MAGI2: variants seen among roughly 807,000 people sequenced by gnomAD.
MAGI2 encodes membrane associated guanylate kinase, WW and PDZ domain containing 2.
A neutral mutation model predicts 133.3 loss-of-function variants in MAGI2; 35 were observed. The ratio of observed to expected loss-of-function variants is 0.26; its 90% CI spans 0.20 to 0.35. The LOEUF (loss-of-function observed/expected upper bound fraction) is 0.35, where lower values mean the gene tolerates loss of function less well. Among genes scored for constraint, MAGI2 ranks in the 10% least tolerant of loss-of-function variants. The pLI, the probability that MAGI2 is intolerant of heterozygous loss-of-function variation, is 1.00. For synonymous variants in MAGI2, 729 were observed against 710.6 expected, an observed-to-expected ratio of 1.03 and a Z score of -0.41; for missense variants, 1,636 against 1,863.4, an observed-to-expected ratio of 0.88 and a Z score of 2.25.
At chr7:79,440,277 C>T (rs1008280889) in intron 1 of MAGI2, among the ~76,000 whole-genome samples, 1 of 151,764 alleles carries the variant, frequency 6.6e-6, no homozygotes, top group Non-Finnish European at 1.5e-5. Flanking sequence ...ATTACATGCA[C>T]TCCTGGGTCA....
At chr7:78,306,250 T>A (rs572208066) in intron 9 of MAGI2, among the ~76,000 whole-genome samples, 520 of 152,304 alleles carry the variant, frequency 3.4e-3, no homozygotes, top group Non-Finnish European at 6.3e-3. Flanking sequence ...TATTTTCTCA[T>A]CCAACCCCTT....
chr7:78,530,416 T>C (rs994175647), intron 3 of MAGI2, among the ~76,000 whole-genome samples: 2 of 152,208 alleles, frequency 1.3e-5, no homozygotes, highest in Admixed American at 6.5e-5. Flanking sequence ...TATTAAGATA[T>C]AGGATAGAAG....
chr7:78,198,428 G>GTTTTTTT (rs398066996), intron 11 of MAGI2, among the ~76,000 whole-genome samples: 1 of 97,494 alleles, frequency 1.0e-5, no homozygotes, highest in Non-Finnish European at 1.9e-5. Flanking sequence ...GGCTGTGGCC[G>GTTTTTTT]TTTTTTTTTT....
chr7:78,469,958 C>G (rs1791024681), intron 6 of MAGI2, among the ~76,000 whole-genome samples: 1 of 152,138 alleles, frequency 6.6e-6, no homozygotes, highest in Non-Finnish European at 1.5e-5. Context: ...GTCAATAAAT[C>G]TCATGCAGAA....
intron 1 of MAGI2, among the ~76,000 whole-genome samples, chr7:79,402,592 C>T (rs570876170): frequency 5.9e-5 from 9 of 152,194 alleles, no homozygotes; most frequent in South Asian, 4.1e-4. Context: ...CCTCTAAGTC[C>T]GGTGTTTTTT....
chr7:78,528,660 C>T (rs759172762), intron 3 of MAGI2, among the ~76,000 whole-genome samples: 3 of 152,010 alleles, frequency 2.0e-5, no homozygotes, highest in Non-Finnish European at 2.9e-5. Flanking sequence ...CTTTTGTCAA[C>T]CAATTTTTGA....
In MAGI2 at chr7:79,240,307, GGTTT is replaced by G. The variant is rs931647586; in HGVS notation, c.301+212709_301+212712del. On this transcript the variant is annotated intron_variant, in intron 1 of 21. Coordinates refer to ENST00000354212, the MANE Select transcript of MAGI2 (RefSeq NM_012301.4). ...CCAGAAGACAACAGAGCGATAGTTTGGTTTGTTTGGAATGAAAGGAACATAGGAG... is the reference window on the plus strand; with the variant it reads ...CCAGAAGACAACAGAGCGATAGTTTGGTTTGGAATGAAAGGAACATAGGAG... Among the ~76,000 whole-genome samples the G allele has an allele frequency of 4.8e-4, 73 of 150,994 alleles. 1 individual carries two copies. The highest frequency in any genetic ancestry group is 1.0e-3 in the Non-Finnish European group (71 of 67,840).
At chr7:78,893,789 A>G (rs960641186) in intron 2 of MAGI2, among the ~76,000 whole-genome samples, 2 of 152,176 alleles carry the variant, frequency 1.3e-5, no homozygotes, top group African/African-American at 4.8e-5. Flanking sequence ...TGACGAGTTA[A>G]TGGGTGCAGC....
intron 6 of MAGI2, among the ~76,000 whole-genome samples, chr7:78,447,865 C>T (rs368515728): frequency 1.1e-4 from 16 of 152,214 alleles, no homozygotes; most frequent in African/African-American, 3.1e-4. Flanking sequence ...GTAGACAAAA[C>T]TTATTCCTCC....
intron 1 of MAGI2, among the ~76,000 whole-genome samples, chr7:79,317,019 C>CTTTTTTTTTTTTTT (rs58130248): frequency 9.8e-6 from 1 of 101,722 alleles, no homozygotes; most frequent in Non-Finnish European, 2.0e-5. Flanking sequence ...TTTTCTTTTT[C>CTTTTTTTTTTTTTT]TTTTTTTTTT....
chr7:78,926,452 T>C (rs781109146), intron 2 of MAGI2, among the ~76,000 whole-genome samples: 3 of 152,066 alleles, frequency 2.0e-5, no homozygotes, highest in Non-Finnish European at 4.4e-5. Context: ...AGCACAATCA[T>C]GAACAGACAG....
At chr7:79,126,780 T>C (rs1820442504) in intron 1 of MAGI2, among the ~76,000 whole-genome samples, 1 of 151,728 alleles carries the variant, frequency 6.6e-6, no homozygotes, top group African/African-American at 2.4e-5. Flanking sequence ...TTTTAAAAAA[T>C]GTTTTGTACA....
chr7:78,226,057 G>T (rs937086537), intron 10 of MAGI2, among the ~76,000 whole-genome samples: 3 of 152,118 alleles, frequency 2.0e-5, no homozygotes, highest in African/African-American at 7.2e-5. Context: ...AATTAAAAGA[G>T]AAAAATATAA....
At chr7:78,277,490 G>A (rs1160985710) in intron 9 of MAGI2, among the ~76,000 whole-genome samples, 4 of 152,144 alleles carry the variant, frequency 2.6e-5, no homozygotes, top group Admixed American at 2.6e-4. Flanking sequence ...AACATTTCAA[G>A]AAGGCATGAG....
intron 1 of MAGI2, among the ~76,000 whole-genome samples, chr7:79,032,458 C>T (rs1810686209): frequency 6.8e-6 from 1 of 147,422 alleles, no homozygotes; most frequent in Admixed American, 6.8e-5. Flanking sequence ...GTGGAGGTTG[C>T]AGTGAGCCAA....
chr7:78,812,634 C>T (rs558176564), intron 2 of MAGI2, among the ~76,000 whole-genome samples: 11 of 147,756 alleles, frequency 7.4e-5, no homozygotes, highest in South Asian at 2.1e-4. Flanking sequence ...ATATATTTGC[C>T]GATAGATTGG....
At chr7:78,885,811 G>A (rs1190524474) in intron 2 of MAGI2, among the ~76,000 whole-genome samples, 2 of 152,116 alleles carry the variant, frequency 1.3e-5, no homozygotes, top group South Asian at 4.1e-4. Context: ...CATCTGCTGA[G>A]TATAACTCAC....
At chr7:78,660,246 A>G (rs1181289621) in intron 2 of MAGI2, among the ~76,000 whole-genome samples, 2 of 152,126 alleles carry the variant, frequency 1.3e-5, no homozygotes, top group East Asian at 3.9e-4. Context: ...CGTTGTACAC[A>G]TGTACCCTAG....
chr7:79,184,883 A>G (rs374388131), intron 1 of MAGI2, among the ~76,000 whole-genome samples: 1 of 150,884 alleles, frequency 6.6e-6, no homozygotes, highest in Admixed American at 6.6e-5. Context: ...GGTGCAATTC[A>G]TAACCTCCTT....
Sources: allele counts gnomAD v4.1 joint callset (sites outside exome capture counted in the v4.1 genomes callset), GRCh38; gene constraint gnomAD v4.1.1; transcripts MANE v1.5; gene names NCBI Gene and HGNC (gene_info 2026-07-23, HGNC 2026-07-21).